The following ADCY1 variants were observed in gnomAD, a reference collection of about 807,000 sequenced individuals.
The protein encoded by ADCY1 is adenylate cyclase 1.
ADCY1 carries 28 observed loss-of-function variants against 105.4 expected under a neutral mutation model. The ratio of observed to expected loss-of-function variants is 0.27; its 90% CI spans 0.20 to 0.36. The LOEUF (loss-of-function observed/expected upper bound fraction) is 0.36. ADCY1 is among the 10% of genes least tolerant of loss of function. The pLI, the probability that ADCY1 is intolerant of heterozygous loss-of-function variation, is 1.00. For missense variants in ADCY1, 977 were observed against 1,434.2 expected (o/e 0.68, Z 5.15); for synonymous variants, 655 against 623.8 (o/e 1.05, Z -0.75).
intron 14 of ADCY1, among the ~76,000 whole-genome samples, chr7:45,696,742 C>T (rs1784889813): frequency 6.6e-6 from 1 of 152,170 alleles, no homozygotes; most frequent in African/African-American, 2.4e-5. Context: ...GCCTATGCTT[C>T]TCCCTAGACT....
intron 17 of ADCY1, among the ~76,000 whole-genome samples, chr7:45,706,264 C>T (rs1439677444): frequency 6.6e-6 from 1 of 152,028 alleles, no homozygotes; most frequent in Non-Finnish European, 1.5e-5. Flanking sequence ...AAGGACAAAG[C>T]TGGAGGACTG....
chr7:45,685,865 T>A, intron 12 of ADCY1, 97 bp from the exon 13 acceptor site: 1 of 1,468,622 alleles, frequency 6.8e-7, no homozygotes, highest in Non-Finnish European at 9.1e-7. Flanking sequence ...GAGCAAAACC[T>A]TGGGAGACCT....
chr7:45,627,115 C>T (rs1349965651), intron 4 of ADCY1, among the ~76,000 whole-genome samples: 1 of 152,176 alleles, frequency 6.6e-6, no homozygotes, highest in Non-Finnish European at 1.5e-5. Flanking sequence ...AAGTTGTTGA[C>T]CTCACAGAAG....
In ADCY1 at chr7:45,647,234, C is replaced by G. The variant is rs370113338; in HGVS notation, c.1021-1436C>G. On this transcript the variant is annotated intron_variant, in intron 4 of 19. Transcript: ENST00000297323. This position sits in a 1 kb window ranked among gnomAD's most constrained non-coding sequence, Gnocchi z 4.6. Reference sequence around the variant, plus strand: ...TGGACAGGCCATTCAGCTGCTAGGCCAATCCCTGCTCAGCCTGGGAACTGG... The same window carrying G: ...TGGACAGGCCATTCAGCTGCTAGGCGAATCCCTGCTCAGCCTGGGAACTGG... Among the ~76,000 whole-genome samples the G allele has an allele frequency of 2.0e-5, 3 of 152,238 alleles. No individual in the cohort carries two copies. The East Asian group carries it at 5.8e-4, about 29-fold the overall frequency.
At chr7:45,603,694 C>A (rs1584262332) in intron 2 of ADCY1, among the ~76,000 whole-genome samples, 1 of 152,190 alleles carries the variant, frequency 6.6e-6, no homozygotes, top group Non-Finnish European at 1.5e-5. Flanking sequence ...ATAGCCACAT[C>A]CACTTCCCTC....
At chr7:45,632,564 ATTTC>A (rs948592703) in intron 4 of ADCY1, among the ~76,000 whole-genome samples, 5 of 150,840 alleles carry the variant, frequency 3.3e-5, no homozygotes, top group African/African-American at 1.2e-4. Flanking sequence ...GTGTATATGT[ATTTC>A]TTTTTTCTTT....
At chr7:45,701,293 C>G (rs2461118) in intron 14 of ADCY1, among the ~76,000 whole-genome samples, 21,316 of 152,096 alleles carry the variant, frequency 0.14, 2,036 homozygotes, top group South Asian at 0.32. Context: ...TCAGTCAAAT[C>G]TCAACAAAGA....
In ADCY1 at chr7:45,633,389, TCA is replaced by T. The variant is rs1335159938; in HGVS notation, c.1020+10649_1020+10650del. Among the ~76,000 whole-genome samples, 19 of 152,316 alleles carry T rather than the reference TCA, an allele frequency of 1.2e-4. No individual in the cohort carries two copies. In the East Asian group the frequency reaches 3.7e-3, roughly 29 times the overall value. ...GAGATTTGTGATAGTTTGGAAAAAC[TCA>T]CAGATGAACTGCGTAGCCTAGAAAT... is the stretch of plus-strand genomic sequence containing the variant. On this transcript the variant is annotated intron_variant, in intron 4 of 19. Transcript: ENST00000297323.
At chr7:45,606,635 T>C (rs374088293) in intron 2 of ADCY1, among the ~76,000 whole-genome samples, 1 of 152,354 alleles carries the variant, frequency 6.6e-6, no homozygotes, top group Admixed American at 6.5e-5. Flanking sequence ...TCCAGGACTT[T>C]CAGCTGTGTT....
intron 4 of ADCY1, among the ~76,000 whole-genome samples, chr7:45,624,508 G>A (rs1487830679): frequency 6.6e-6 from 1 of 151,980 alleles, no homozygotes; most frequent in Non-Finnish European, 1.5e-5. Context: ...GTAAATAGTG[G>A]AAAAGTAAAC....
rs1212027201 is a variant in ADCY1 at position 45,591,474 on chromosome 7, C to G, written c.640-1285C>G. ...TGTTTCATAGTGTGCAGCACACATT[C>G]ACATGTGGGGGTGTTTGTGGTTAAT... is the stretch of plus-strand genomic sequence containing the variant. On this transcript the variant is annotated intron_variant, in intron 1 of 19. Coordinates refer to ENST00000297323, the MANE Select transcript of ADCY1 (RefSeq NM_021116.4). The surrounding 1 kb of genome is among the most constrained non-coding windows in gnomAD (Gnocchi z 4.1). Among the ~76,000 whole-genome samples, 3 of 152,248 alleles carry G rather than the reference C, an allele frequency of 2.0e-5. No homozygotes were observed. Among genetic ancestry groups the G allele is most frequent in the Non-Finnish European group, 4.4e-5 (3 of 68,046 alleles).
intron 1 of ADCY1, among the ~76,000 whole-genome samples, chr7:45,585,003 T>A (rs1792674127): frequency 6.6e-6 from 1 of 152,248 alleles, no homozygotes; most frequent in African/African-American, 2.4e-5. Flanking sequence ...GCATTCTGGT[T>A]GGTCACCTCG....
At chr7:45,696,998 C>T (rs993601318) in intron 14 of ADCY1, among the ~76,000 whole-genome samples, 1 of 152,156 alleles carries the variant, frequency 6.6e-6, no homozygotes, top group Admixed American at 6.5e-5. Flanking sequence ...TGGTATTGGA[C>T]CAGGCCTTTC....
At chr7:45,590,781 C>T (rs1286185153) in intron 1 of ADCY1, among the ~76,000 whole-genome samples, 1 of 152,176 alleles carries the variant, frequency 6.6e-6, no homozygotes, top group Non-Finnish European at 1.5e-5. Flanking sequence ...CCTTCTCTGA[C>T]CCCTCACAGG....
Position 45,703,335 on chromosome 7 carries a change from G to C in ADCY1, c.2455-41G>C, listed in dbSNP as rs562452997. The C allele has an allele frequency of 1.1e-5, 18 of 1,585,476 alleles. 1 individual carries two copies. The highest frequency in any genetic ancestry group is 1.8e-4 in the Middle Eastern group (1 of 5,558). Reference sequence around the variant, plus strand: ...TGTGCGGTGGGAACAAGTGAAGGCAGCGTGAGTGGATGGGACTAATGGAGG... The same window carrying C: ...TGTGCGGTGGGAACAAGTGAAGGCACCGTGAGTGGATGGGACTAATGGAGG... On this transcript the variant is annotated intron_variant, in intron 14 of 19. Transcript: ENST00000297323. This position sits in a 1 kb window ranked among gnomAD's most constrained non-coding sequence, Gnocchi z 5.9.
intron 8 of ADCY1, among the ~76,000 whole-genome samples, chr7:45,676,912 G>A (rs1784466057): frequency 6.7e-6 from 1 of 149,398 alleles, no homozygotes; most frequent in Non-Finnish European, 1.5e-5. Context: ...TTGCTAGGTT[G>A]CCCCTTTTTT....
intron 4 of ADCY1, among the ~76,000 whole-genome samples, chr7:45,642,252 A>G (rs1378953315): frequency 6.6e-6 from 1 of 152,092 alleles, no homozygotes; most frequent in Admixed American, 6.5e-5. Flanking sequence ...GCAGCTTATC[A>G]GGTTTAGGAT....
At chr7:45,592,950 G>C in intron 2 of ADCY1, 42 bp downstream of exon 2, 2 of 1,605,408 alleles carry the variant, frequency 1.2e-6, no homozygotes, top group Non-Finnish European at 8.5e-7. Flanking sequence ...GTTGGCTGTG[G>C]GGCTGGGGAG....
At chr7:45,608,665 T>C (rs769269202) in intron 2 of ADCY1, among the ~76,000 whole-genome samples, 5 of 152,344 alleles carry the variant, frequency 3.3e-5, no homozygotes, top group Non-Finnish European at 7.3e-5. Context: ...GGATCAGCAT[T>C]TGTGGCTCTG....
Sources: gnomAD v4.1 joint callset for allele counts (sites outside exome capture counted in the v4.1 genomes callset) on GRCh38, gnomAD v4.1.1 for gene constraint, Gnocchi (gnomAD v3.1) non-coding constraint, MANE v1.5 for transcripts, NCBI Gene and HGNC (gene_info 2026-07-23, HGNC 2026-07-21) for gene names.